Variants in ANKRD13A observed in about 807,000 individuals in gnomAD.
The protein encoded by ANKRD13A is ankyrin repeat domain-containing protein 13A.
A neutral mutation model predicts 81.3 loss-of-function variants in ANKRD13A; 48 were observed. The ratio of observed to expected loss-of-function variants is 0.59; its 90% CI spans 0.47 to 0.75. ANKRD13A has a LOEUF of 0.75. Ranked by LOEUF, ANKRD13A falls within the 30% of genes least tolerant of loss-of-function variation. The probability of loss-of-function intolerance (pLI) is 0.00; values close to 1 mark genes in which losing one functional copy is unlikely to be tolerated. For missense variants in ANKRD13A, 612 were observed against 734.0 expected (o/e 0.83, Z 1.92); for synonymous variants, 230 against 270.1 (o/e 0.85, Z 1.45).
At chr12:110,033,354 G>A (rs111313070) in intron 12 of ANKRD13A, among the ~76,000 whole-genome samples, 109 of 151,958 alleles carry the variant, frequency 7.2e-4, no homozygotes, top group African/African-American at 2.4e-3. Flanking sequence ...GAGCCACCGC[G>A]CCCGGCAGTT....
chr12:110,007,343 A>G (rs1197649506), intron 1 of ANKRD13A, among the ~76,000 whole-genome samples: 1 of 152,026 alleles, frequency 6.6e-6, no homozygotes, highest in Non-Finnish European at 1.5e-5. Flanking sequence ...ATGTTTTTCA[A>G]TTTATTTAGG....
chr12:110,016,466 T>C, intron 4 of ANKRD13A, 33 bp downstream of exon 4: 1 of 1,552,128 alleles, frequency 6.4e-7, no homozygotes, highest in Non-Finnish European at 8.7e-7. Flanking sequence ...TTTATTTCTC[T>C]TTCTAAATTT....
chr12:110,025,871 G>A, intron 8 of ANKRD13A, 48 bp downstream of exon 8: 1 of 1,535,574 alleles, frequency 6.5e-7, no homozygotes, highest in Non-Finnish European at 9.0e-7. Context: ...TATTTTTTAA[G>A]CCTAGAGGGA....
Position 110,033,796 on chromosome 12 carries a change from G to C in ANKRD13A, c.1349-1G>C. On this transcript the variant is annotated splice_acceptor_variant, in intron 12 of 14. Transcript: ENST00000261739. LOFTEE classifies it high-confidence loss of function. ...CACTGGACGGTTGCCTTTTGTTTCA[G>C]CTTCCCACATCACAAACTTTGAGGT... The C allele has an allele frequency of 1.3e-6, 2 of 1,593,198 alleles. No homozygotes were observed. The highest frequency in any genetic ancestry group is 1.7e-6 in the Non-Finnish European group (2 of 1,167,764).
At chr12:110,012,224 G>A in intron 2 of ANKRD13A, 87 bp downstream of exon 2, 1 of 1,427,160 alleles carries the variant, frequency 7.0e-7, no homozygotes, top group Non-Finnish European at 9.4e-7. Context: ...AATTAGCCAG[G>A]TGCGGTGGTG....
intron 10 of ANKRD13A, 21 bp from the exon 11 acceptor site, chr12:110,029,457 T>C: frequency 1.9e-6 from 3 of 1,602,392 alleles, no homozygotes; most frequent in Non-Finnish European, 2.6e-6. Flanking sequence ...ACCTCAGTCT[T>C]TTCTTGGTTG....
chr12:110,027,730 G>T lies in ANKRD13A; in HGVS notation c.909G>T (p.Leu303Phe), dbSNP rs930019223. Residue 303 changes from leucine (L) to phenylalanine (F), a missense_variant, in exon 9 of 15, where the codon TTG (leucine) becomes TTT (phenylalanine). Physicochemically the swap from Leu to Phe is conservative, Grantham distance 22 (BLOSUM62 0). Transcript: ENST00000261739. ...YKADRNPLES[L>F]LGTVEHQFGA... ...CAGACAGGAACCCGCTGGAATCTTTGCTGGGAACTGTGGAACACCAATTTG... is the reference window on the plus strand; with the variant it reads ...CAGACAGGAACCCGCTGGAATCTTTTCTGGGAACTGTGGAACACCAATTTG... 6.2e-7 allele frequency: 1 copy of T among 1,614,100 alleles called. No individual in the cohort carries two copies. Among genetic ancestry groups the T allele is most frequent in the South Asian group, 1.1e-5 (1 of 91,082 alleles).
chr12:110,029,213 C>T, intron 10 of ANKRD13A: 1 of 343,790 alleles, frequency 2.9e-6, no homozygotes, highest in East Asian at 4.8e-5. Flanking sequence ...ACTGTTCCAC[C>T]CGCTATCATT....
chr12:110,033,033 T>C (rs1221721615), intron 12 of ANKRD13A, among the ~76,000 whole-genome samples: 1 of 151,778 alleles, frequency 6.6e-6, no homozygotes, highest in Admixed American at 6.6e-5. Context: ...CAGTATGGTA[T>C]TGATAGTGTT....
intron 1 of ANKRD13A, among the ~76,000 whole-genome samples, chr12:110,011,571 T>C (rs781668695): frequency 6.6e-6 from 1 of 152,238 alleles, no homozygotes; most frequent in Non-Finnish European, 1.5e-5. Context: ...CCAAATTATC[T>C]GTGCTTTCAG....
intron 6 of ANKRD13A, 84 bp from the exon 7 acceptor site, chr12:110,023,962 G>T: frequency 1.5e-6 from 2 of 1,373,036 alleles, no homozygotes; most frequent in Non-Finnish European, 2.0e-6. Context: ...TAAGCTGGGG[G>T]GGAAAAAAAC....
Position 110,017,256 on chromosome 12 carries a change from A to G in ANKRD13A, c.400+823A>G, listed in dbSNP as rs539821467. On this transcript the variant is annotated intron_variant, in intron 4 of 14. Coordinates refer to ENST00000261739, the MANE Select transcript of ANKRD13A (RefSeq NM_033121.2). ...TAGAATTTTAATAAGTAGATTTACC[A>G]TAATTTACTAATTTCCTTATGTGGT... Among the ~76,000 whole-genome samples, 11 of 152,236 alleles carry G rather than the reference A, an allele frequency of 7.2e-5. No individual in the cohort carries two copies. The East Asian group carries it at 7.7e-4, about 11-fold the overall frequency.
chr12:109,999,922 C>T lies in ANKRD13A; in HGVS notation c.96+138C>T. ...TCCACTTTGCAGGTGTGGGACAGTCCTAATAATAGGACACGTATCGAGTGC... is the reference window on the plus strand; with the variant it reads ...TCCACTTTGCAGGTGTGGGACAGTCTTAATAATAGGACACGTATCGAGTGC... On this transcript the variant is annotated intron_variant, in intron 1 of 14. Transcript: ENST00000261739. The surrounding 1 kb of genome is among the most constrained non-coding windows in gnomAD (Gnocchi z 4.3). 1.5e-6 allele frequency: 1 copy of T among 658,562 alleles called. No individual in the cohort carries two copies. The highest frequency in any genetic ancestry group is 2.4e-6 in the Non-Finnish European group (1 of 423,200). The allele number at this position is 658,562 out of a possible 1,614,324, so 40.8% of individuals were successfully genotyped here.
intron 6 of ANKRD13A, 60 bp downstream of exon 6, chr12:110,019,388 T>C (rs1266449959): frequency 3.4e-6 from 5 of 1,455,598 alleles, no homozygotes; most frequent in Non-Finnish European, 4.6e-6. Context: ...TTGAGTGACA[T>C]GTATGTATTA....
Position 110,012,078 on chromosome 12 carries a change from C to A in ANKRD13A, c.170C>A (p.Ala57Asp), listed in dbSNP as rs1566049363. 1.3e-5 allele frequency: 21 copies of A among 1,613,494 alleles called. No individual in the cohort carries two copies. Among genetic ancestry groups the A allele is most frequent in the Non-Finnish European group, 1.6e-5 (19 of 1,179,468 alleles). ...LAVSLGHLES[A>D]RVLLRHKADV... ...GTTTCCTTGGGACATTTGGAATCTG[C>A]TCGAGTCTTACTCCGACATAAAGCA... The change falls in exon 2 of 15, where the codon GCT becomes GAT. Residue 57 changes from alanine to aspartate, a missense_variant. Physicochemically the swap from Ala to Asp is moderately radical, Grantham distance 126. Transcript: ENST00000261739.
intron 1 of ANKRD13A, among the ~76,000 whole-genome samples, chr12:110,002,867 T>A (rs1205547659): frequency 1.3e-5 from 2 of 152,208 alleles, no homozygotes; most frequent in African/African-American, 4.8e-5. Flanking sequence ...TGTTTCTGTG[T>A]GTGTGAGCCA....
At chr12:110,006,608 T>G (rs1890253980) in intron 1 of ANKRD13A, among the ~76,000 whole-genome samples, 1 of 152,152 alleles carries the variant, frequency 6.6e-6, no homozygotes, top group South Asian at 2.1e-4. Context: ...TTGTCTTTTT[T>G]TTTTTGAGAT....
chr12:110,012,867 A>G (rs911586309), intron 2 of ANKRD13A, among the ~76,000 whole-genome samples: 1 of 152,132 alleles, frequency 6.6e-6, no homozygotes, highest in African/African-American at 2.4e-5. Flanking sequence ...GTCTAAACAC[A>G]TTATCAGGAT....
chr12:110,002,442 C>T (rs1890028096), intron 1 of ANKRD13A, among the ~76,000 whole-genome samples: 1 of 152,072 alleles, frequency 6.6e-6, no homozygotes, highest in African/African-American at 2.4e-5. Context: ...CACGGTGAAA[C>T]CCCGTCTCTA....
Sources: allele counts gnomAD v4.1 joint callset (sites outside exome capture counted in the v4.1 genomes callset), GRCh38; gene constraint gnomAD v4.1.1; non-coding constraint Gnocchi (gnomAD v3.1); transcripts MANE v1.5; gene names NCBI Gene and HGNC (gene_info 2026-07-23, HGNC 2026-07-21).